GFRA1: variants seen among roughly 807,000 people sequenced by gnomAD.
The protein encoded by GFRA1 is GDNF family receptor alpha-1.
In GFRA1, 16 loss-of-function variants were observed where a neutral mutation model predicts 51.6. The ratio of observed to expected loss-of-function variants is 0.31; its 90% confidence interval spans 0.21 to 0.47. GFRA1 has a LOEUF of 0.47. GFRA1 is among the 20% of genes least tolerant of loss of function. The pLI, the probability that GFRA1 is intolerant of heterozygous loss-of-function variation, is 1.00. For missense variants in GFRA1, 530 were observed against 594.3 expected (o/e 0.89, Z 1.13); for synonymous variants, 270 against 241.3 (o/e 1.12, Z -1.10).
At chr10:116,162,795 T>C (rs1183857744) in intron 5 of GFRA1, among the ~76,000 whole-genome samples, 4 of 151,934 alleles carry the variant, frequency 2.6e-5, no homozygotes, top group African/African-American at 9.7e-5. Context: ...GATATCTCAG[T>C]ATAAAAGAAA....
At chr10:116,234,067 GTACTTATGTT>G (rs1966839914) in intron 4 of GFRA1, among the ~76,000 whole-genome samples, 1 of 152,152 alleles carries the variant, frequency 6.6e-6, no homozygotes, top group Non-Finnish European at 1.5e-5. Context: ...CGGCTGAACT[GTACTTATGTT>G]TACAACCCTG....
intron 5 of GFRA1, among the ~76,000 whole-genome samples, chr10:116,187,248 G>A (rs1019374054): frequency 2.0e-5 from 3 of 152,152 alleles, no homozygotes; most frequent in African/African-American, 4.8e-5. Flanking sequence ...CTTCGTATTT[G>A]TCTATTATTT....
At chr10:116,144,491 T>C (rs924586054) in intron 5 of GFRA1, among the ~76,000 whole-genome samples, 2 of 152,068 alleles carry the variant, frequency 1.3e-5, no homozygotes, top group African/African-American at 4.8e-5. Flanking sequence ...AACGTACTCC[T>C]TTCTTGTTTA....
intron 4 of GFRA1, among the ~76,000 whole-genome samples, chr10:116,221,004 T>G (rs1445813738): frequency 6.6e-6 from 1 of 152,188 alleles, no homozygotes; most frequent in Non-Finnish European, 1.5e-5. Context: ...TCAGGGACAT[T>G]CTGTCCACTG....
At chr10:116,265,956 C>T (rs1297181714) in intron 4 of GFRA1, among the ~76,000 whole-genome samples, 1 of 152,200 alleles carries the variant, frequency 6.6e-6, no homozygotes, top group Non-Finnish European at 1.5e-5. Context: ...CCTCCACCCT[C>T]CCTCTGCAGT....
intron 5 of GFRA1, among the ~76,000 whole-genome samples, chr10:116,207,855 C>T (rs527835883): frequency 2.6e-5 from 4 of 152,234 alleles, no homozygotes; most frequent in Admixed American, 1.3e-4. Context: ...TGGGGCTACT[C>T]GTTCTCACTG....
intron 5 of GFRA1, among the ~76,000 whole-genome samples, chr10:116,173,001 G>A (rs1961194836): frequency 6.6e-6 from 1 of 152,200 alleles, no homozygotes; most frequent in African/African-American, 2.4e-5. Flanking sequence ...TCGAGCGGAG[G>A]TCTGCTTTAA....
chr10:116,167,104 C>T (rs1960536504), intron 5 of GFRA1, among the ~76,000 whole-genome samples: 1 of 152,024 alleles, frequency 6.6e-6, no homozygotes. Context: ...CGGCCCACCA[C>T]AATCTTCTTA....
chr10:116,269,492 A>C lies in GFRA1; in HGVS notation c.418+11T>G. 1 of 1,507,012 alleles carries C rather than the reference A, an allele frequency of 6.6e-7. No individual in the cohort carries two copies. The allele number at this position is 1,507,012 out of a possible 1,614,324, so 93.4% of individuals were successfully genotyped here. A position where few individuals can be genotyped will look rare whatever the true frequency, so the allele number is the denominator to read the frequency against. Reference sequence around the variant, plus strand: ...ACAAAGGCATCAGCATGGAAGTATAAATCTGCTTACCTGATATGAATGGGA... The same window carrying C: ...ACAAAGGCATCAGCATGGAAGTATACATCTGCTTACCTGATATGAATGGGA... On this transcript the variant is annotated intron_variant, in intron 4 of 10. Coordinates refer to ENST00000355422, the MANE Select transcript of GFRA1 (RefSeq NM_005264.8).
intron 5 of GFRA1, among the ~76,000 whole-genome samples, chr10:116,188,601 G>GT (rs1962952029): frequency 6.6e-6 from 1 of 152,060 alleles, no homozygotes; most frequent in Non-Finnish European, 1.5e-5. Context: ...ACTCACGAGC[G>GT]TATTAAAATG....
At chr10:116,145,529 G>A (rs1394919419) in intron 5 of GFRA1, among the ~76,000 whole-genome samples, 2 of 152,150 alleles carry the variant, frequency 1.3e-5, no homozygotes. Context: ...TGGTTGCATT[G>A]AGAAGGGTGA....
chr10:116,200,882 G>C (rs1445315344), intron 5 of GFRA1, among the ~76,000 whole-genome samples: 2 of 152,210 alleles, frequency 1.3e-5, no homozygotes, highest in Non-Finnish European at 2.9e-5. Context: ...ATTCTGGGGA[G>C]AAAGCGAGTT....
intron 8 of GFRA1, among the ~76,000 whole-genome samples, chr10:116,092,868 T>A (rs548512060): frequency 6.6e-6 from 1 of 152,222 alleles, no homozygotes; most frequent in African/African-American, 2.4e-5. Flanking sequence ...ACAGAGTGGG[T>A]TGCAATTTTC....
rs1384210784 is a variant in GFRA1, at chr10:116,083,457, G to C, written c.1197+6284C>G. 2.0e-5 allele frequency among the ~76,000 whole-genome samples: 3 copies of C among 152,322 alleles called. No homozygotes were observed. The South Asian group carries it at 6.2e-4, about 32-fold the overall frequency. On this transcript the variant is annotated intron_variant, in intron 9 of 10. Transcript: ENST00000355422. ...TCCCATTGCTCTGCTAGCATAAATT[G>C]CAAGAAAAACATTTAGAATATTGAT...
chr10:116,166,672 C>G (rs1960447487), intron 5 of GFRA1, among the ~76,000 whole-genome samples: 4 of 151,852 alleles, frequency 2.6e-5, no homozygotes, highest in Admixed American at 2.0e-4. Context: ...GGAGGAGGCT[C>G]CAGTGCACTT....
intron 6 of GFRA1, among the ~76,000 whole-genome samples, chr10:116,120,967 G>A (rs1205546067): frequency 1.3e-5 from 2 of 151,894 alleles, no homozygotes; most frequent in African/African-American, 4.9e-5. Context: ...CTCTTTGCTT[G>A]GCACTGGAAG....
chr10:116,195,587 T>A (rs540172606), intron 5 of GFRA1, among the ~76,000 whole-genome samples: 1 of 152,362 alleles, frequency 6.6e-6, no homozygotes, highest in Admixed American at 6.5e-5. Flanking sequence ...GGTGAAGCTC[T>A]GGCGGTAATG....
intron 5 of GFRA1, among the ~76,000 whole-genome samples, chr10:116,186,081 G>A (rs1244071254): frequency 1.3e-5 from 2 of 152,204 alleles, no homozygotes; most frequent in African/African-American, 4.8e-5. Flanking sequence ...TTGGAACACA[G>A]GACCAGCTTG....
At chr10:116,201,695 G>A (rs957493749) in intron 5 of GFRA1, among the ~76,000 whole-genome samples, 4 of 152,116 alleles carry the variant, frequency 2.6e-5, no homozygotes, top group South Asian at 2.1e-4. Flanking sequence ...CAGTGAAACC[G>A]TTGGTGCTTA....
Sources: allele counts gnomAD v4.1 joint callset (sites outside exome capture counted in the v4.1 genomes callset), GRCh38; gene constraint gnomAD v4.1.1; transcripts MANE v1.5; gene names NCBI Gene and HGNC (gene_info 2026-07-23, HGNC 2026-07-21).